The following GBF1 variants were observed in gnomAD, a reference collection of about 807,000 sequenced individuals.
GBF1 encodes Golgi-specific brefeldin A-resistance guanine nucleotide exchange factor 1.
A neutral mutation model predicts 210.5 loss-of-function variants in GBF1; 114 were observed. The ratio of observed to expected loss-of-function variants is 0.54; its 90% confidence interval spans 0.47 to 0.63. The LOEUF (loss-of-function observed/expected upper bound fraction) is 0.63, where lower values mean the gene tolerates loss of function less well. Among genes scored for constraint, GBF1 ranks in the 30% least tolerant of loss-of-function variants. The pLI, the probability that GBF1 is intolerant of heterozygous loss-of-function variation, is 0.00. For synonymous variants in GBF1, 850 were observed against 889.2 expected, an observed-to-expected ratio of 0.96 and a Z score of 0.78; for missense variants, 1,851 against 2,357.7, an observed-to-expected ratio of 0.79 and a Z score of 4.45.
chr10:102,372,557 T>A (rs75327782), intron 29 of GBF1, among the ~76,000 whole-genome samples: 94 of 152,242 alleles, frequency 6.2e-4, no homozygotes, highest in African/African-American at 2.2e-3. Flanking sequence ...TTATGTGGTG[T>A]CGATGGAGGG....
chr10:102,367,911 G>A (rs958750169), intron 21 of GBF1, among the ~76,000 whole-genome samples: 4 of 152,234 alleles, frequency 2.6e-5, no homozygotes, highest in African/African-American at 9.6e-5. Flanking sequence ...TTACAGGTCA[G>A]AAATGGGCCA....
chr10:102,262,433 T>A (rs760272396), intron 3 of GBF1, among the ~76,000 whole-genome samples: 7 of 152,238 alleles, frequency 4.6e-5, no homozygotes, highest in Non-Finnish European at 1.0e-4. Flanking sequence ...TTGTTTGGTT[T>A]TGAATTCAGA....
intron 3 of GBF1, among the ~76,000 whole-genome samples, chr10:102,287,024 A>T (rs1189855532): frequency 1.3e-5 from 2 of 152,174 alleles, no homozygotes; most frequent in Non-Finnish European, 2.9e-5. Context: ...GAAGAGAAGG[A>T]CAATTCATTC....
At chr10:102,271,249 A>G (rs1463372021) in intron 3 of GBF1, among the ~76,000 whole-genome samples, 26 of 152,048 alleles carry the variant, frequency 1.7e-4, no homozygotes, top group Non-Finnish European at 1.5e-5. Flanking sequence ...GTGTTAGCCC[A>G]GATGGTCTCA....
chr10:102,348,139 A>G (rs1379719520), intron 4 of GBF1, among the ~76,000 whole-genome samples: 2 of 151,922 alleles, frequency 1.3e-5, no homozygotes, highest in Non-Finnish European at 2.9e-5. Flanking sequence ...GTCTCGCTGT[A>G]TTGGCCAGGC....
rs1039556007 is a variant in GBF1 at position 102,366,091 on chromosome 10, T to C, written c.2310-292T>C. Among the ~76,000 whole-genome samples, 1 of 152,180 alleles carries C rather than the reference T, an allele frequency of 6.6e-6. No homozygotes were observed. Among genetic ancestry groups the C allele is most frequent in the Admixed American group, 6.5e-5 (1 of 15,278 alleles). ...ACCCATCATTTATATCTATTGGACCTGAAAGGGACTCCAACGAGATAGTTT... is the reference window on the plus strand; with the variant it reads ...ACCCATCATTTATATCTATTGGACCCGAAAGGGACTCCAACGAGATAGTTT... On this transcript the variant is annotated intron_variant, in intron 18 of 39. Transcript: ENST00000369983. The surrounding 1 kb of genome is among the most constrained non-coding windows in gnomAD (Gnocchi z 4.0).
At chr10:102,336,413 T>G (rs912636309) in intron 3 of GBF1, among the ~76,000 whole-genome samples, 3 of 152,180 alleles carry the variant, frequency 2.0e-5, no homozygotes, top group African/African-American at 7.2e-5. Context: ...CTTAGTTATC[T>G]TTATTATACA....
At chr10:102,239,124 T>A in the GBF1 span, among the ~76,000 whole-genome samples, 5 of 152,184 alleles carry the variant, frequency 3.3e-5, no homozygotes, top group African/African-American at 1.2e-4. Flanking sequence ...GACTAAACTT[T>A]GAAATTTGCC....
At chr10:102,351,809 G>T in intron 5 of GBF1, 34 bp from the exon 6 acceptor site, 1 of 1,242,424 alleles carries the variant, frequency 8.0e-7, no homozygotes, top group Non-Finnish European at 1.2e-6. Context: ...TCAGTACCTT[G>T]TTTATCACAG....
chr10:102,288,696 C>T (rs897126796), intron 3 of GBF1, among the ~76,000 whole-genome samples: 1 of 134,512 alleles, frequency 7.4e-6, no homozygotes, highest in African/African-American at 2.8e-5. Flanking sequence ...CCGGCCTGGG[C>T]GACAGAGCGA....
intron 3 of GBF1, among the ~76,000 whole-genome samples, chr10:102,283,194 A>G (rs2133491573): frequency 6.6e-6 from 1 of 152,326 alleles, no homozygotes; most frequent in South Asian, 2.1e-4. Context: ...TACCCTTAAC[A>G]ACCACTTGTT....
chr10:102,318,227 T>G (rs1368598587), intron 3 of GBF1, among the ~76,000 whole-genome samples: 1 of 151,470 alleles, frequency 6.6e-6, no homozygotes, highest in African/African-American at 2.4e-5. Context: ...GTGTCTCACT[T>G]TGTTGCCTAG....
At chr10:102,327,689 A>C (rs541838471) in intron 3 of GBF1, among the ~76,000 whole-genome samples, 3 of 152,332 alleles carry the variant, frequency 2.0e-5, no homozygotes, top group Non-Finnish European at 4.4e-5. Flanking sequence ...TTGAGCATAA[A>C]GTATTTTATT....
At chr10:102,335,600 G>A (rs912909498) in intron 3 of GBF1, among the ~76,000 whole-genome samples, 1 of 152,212 alleles carries the variant, frequency 6.6e-6, no homozygotes, top group South Asian at 2.1e-4. Context: ...GCTACGAGCA[G>A]AGCTTTTGGA....
intron 3 of GBF1, among the ~76,000 whole-genome samples, chr10:102,303,974 C>T (rs2077621029): frequency 1.3e-5 from 2 of 151,566 alleles, no homozygotes; most frequent in Admixed American, 6.6e-5. Context: ...CATACCAGGA[C>T]TGGGATTTTA....
Position 102,379,345 on chromosome 10 carries a change from A to T in GBF1, c.4556A>T (p.Glu1519Val). 1 of 1,613,880 alleles carries T rather than the reference A, an allele frequency of 6.2e-7. No homozygotes were observed. Among genetic ancestry groups the T allele is most frequent in the Non-Finnish European group, 8.5e-7 (1 of 1,179,900 alleles). The change falls in exon 34 of 40, where the codon GAG becomes GTG. Residue 1519 changes from glutamate to valine, a missense_variant. Physicochemically the swap from Glu to Val is moderately radical, Grantham distance 121. Coordinates refer to ENST00000369983, the MANE Select transcript of GBF1 (RefSeq NM_001377137.1). ...GCCTCTATCTACAGCTCATGGGCGG[A>T]GGAGCAACGCCACCTGGAGACAGGT... is the stretch of plus-strand genomic sequence containing the variant. ...RAASIYSSWA[E>V]EQRHLETGGQ... is the part of the protein sequence containing the mutation.
At position 102,360,204 on chromosome 10, in the gene GBF1, G is replaced by A. The variant is rs1237458108; in HGVS notation, c.1201G>A (p.Gly401Ser). The A allele has an allele frequency of 6.2e-7, 1 of 1,613,080 alleles. No homozygotes were observed. The highest frequency in any genetic ancestry group is 8.5e-7 in the Non-Finnish European group (1 of 1,179,086). ...CCCAGGCACAGCTTTGGTCCCCTAT[G>A]GTCTTCCCTGCATCCGCGAGCTCTT... is the stretch of plus-strand genomic sequence containing the variant. ...QKEGTALVPY[G>S]LPCIRELFRF... Residue 401 changes from glycine (G) to serine (S), a missense_variant, in exon 12 of 40, where the codon GGT becomes AGT. This residue lies in a region of GBF1 where 804 missense variants were observed against 958.6 expected (regional missense o/e 0.84). Transcript: ENST00000369983.
chr10:102,321,696 A>C (rs774112479), intron 3 of GBF1, among the ~76,000 whole-genome samples: 6 of 152,172 alleles, frequency 3.9e-5, no homozygotes, highest in Admixed American at 2.6e-4. Context: ...CAGCCTCCCG[A>C]GTAGCTGGGA....
At chr10:102,313,766 A>G (rs2078690071) in intron 3 of GBF1, among the ~76,000 whole-genome samples, 1 of 152,234 alleles carries the variant, frequency 6.6e-6, no homozygotes, top group Non-Finnish European at 1.5e-5. Context: ...TTAAATACAC[A>G]TGGAGATCGA....
Sources: gnomAD v4.1 joint callset for allele counts (sites outside exome capture counted in the v4.1 genomes callset) on GRCh38, gnomAD v4.1.1 for gene constraint, gnomAD v4.1.1 regional missense constraint, Gnocchi (gnomAD v3.1) non-coding constraint, MANE v1.5 for transcripts, NCBI Gene and HGNC (gene_info 2026-07-23, HGNC 2026-07-21) for gene names.